Variants in IL6ST observed in about 807,000 individuals in gnomAD.
IL6ST encodes the protein interleukin 6 cytokine family signal transducer.
IL6ST carries 24 observed loss-of-function variants against 91.3 expected under a neutral mutation model. That is an observed-to-expected ratio of 0.26 (90% CI 0.19 to 0.37). IL6ST has a LOEUF of 0.37. Among genes scored for constraint, IL6ST ranks in the 10% least tolerant of loss-of-function variants. The probability of loss-of-function intolerance (pLI) is 1.00; values close to 1 mark genes in which losing one functional copy is unlikely to be tolerated. For synonymous variants in IL6ST, 351 were observed against 373.6 expected (o/e 0.94, Z 0.70); for missense variants, 914 against 1,078.5 (o/e 0.85, Z 2.14).
intron 1 of IL6ST, among the ~76,000 whole-genome samples, chr5:55,989,375 G>T (rs1274492297): frequency 1.3e-5 from 2 of 151,940 alleles, no homozygotes; most frequent in Non-Finnish European, 2.9e-5. Flanking sequence ...AGAAAAAAAA[G>T]AACCCCATTT....
chr5:55,988,562 T>C (rs947731747), intron 1 of IL6ST, among the ~76,000 whole-genome samples: 1 of 151,300 alleles, frequency 6.6e-6, no homozygotes, highest in Non-Finnish European at 1.5e-5. Flanking sequence ...AGGTTGGGAG[T>C]TCGAGACCAG....
chr5:55,961,689 T>A (rs1310877323), intron 7 of IL6ST, among the ~76,000 whole-genome samples: 1 of 145,276 alleles, frequency 6.9e-6, no homozygotes, highest in Non-Finnish European at 1.5e-5. Flanking sequence ...ACTAGGGAGG[T>A]GGAAGTTGCA....
chr5:55,974,463 C>T (rs1294849971), intron 3 of IL6ST, among the ~76,000 whole-genome samples: 2 of 151,728 alleles, frequency 1.3e-5, no homozygotes, highest in Admixed American at 1.3e-4. Flanking sequence ...GTAGCTGAGA[C>T]TTTCAGGCAT....
chr5:55,990,856 A>G (rs1024505653), intron 1 of IL6ST, among the ~76,000 whole-genome samples: 3 of 151,978 alleles, frequency 2.0e-5, no homozygotes, highest in African/African-American at 7.3e-5. Flanking sequence ...AGTCATTTAC[A>G]TTAGGTATAT....
chr5:55,946,420 A>T (rs1415007926), intron 15 of IL6ST, among the ~76,000 whole-genome samples: 1 of 152,250 alleles, frequency 6.6e-6, no homozygotes, highest in Non-Finnish European at 1.5e-5. Flanking sequence ...TCATAGCAAC[A>T]TTATTTATAA....
At chr5:55,960,614 A>C (rs1752253050) in intron 7 of IL6ST, 53 bp from the exon 8 acceptor site, 1 of 1,543,308 alleles carries the variant, frequency 6.5e-7, no homozygotes, top group East Asian at 2.3e-5. Flanking sequence ...AGGTCTTCTA[A>C]ATTGTGTTAA....
Position 55,968,273 on chromosome 5 carries a change from T to C in IL6ST, c.491+3A>G. The C allele has an allele frequency of 6.3e-7, 1 of 1,582,118 alleles. No homozygotes were observed. The highest frequency in any genetic ancestry group is 8.6e-7 in the Non-Finnish European group (1 of 1,168,650). ...AACATGAAACAAATTTAAAATAACG[T>C]ACCATTCAGATTTTAAAGTGAAGTT... On this transcript the variant is annotated splice_donor_region_variant and intron_variant, in intron 5 of 16. Transcript: ENST00000381298.
rs1750513971 is a variant in IL6ST at position 55,936,216 on chromosome 5, T to C, written c.*4866A>G. On this transcript the variant is annotated 3_prime_UTR_variant, in exon 17 of 17. Coordinates refer to ENST00000381298, the MANE Select transcript of IL6ST (RefSeq NM_002184.4). Reference sequence around the variant, plus strand: ...CAAGAAGTAGCAGGAGGATGCCATGTATCAATCTTGAACTTCAAGTCTCAC... The same window carrying C: ...CAAGAAGTAGCAGGAGGATGCCATGCATCAATCTTGAACTTCAAGTCTCAC... 3 of 228,250 alleles carry C rather than the reference T, an allele frequency of 1.3e-5. No individual in the cohort carries two copies. The East Asian group carries it at 1.9e-4, about 14-fold the overall frequency. 14.1% of individuals were successfully genotyped at this position (228,250 alleles called of 1,614,324 possible).
In IL6ST at chr5:55,969,611, G is replaced by A. The variant is rs374868974; in HGVS notation, c.309C>T (p.Cys103=). ...DIASLNIQLT[C]NILTFGQLEQ... is the part of the protein sequence containing the mutation. The stretch of plus-strand genomic sequence containing the variant: ...CAAGCTGTCCGAATGTAAGAATGTT[G>A]CAAGTGAGCTGAATATTTAATGAAG... Residue 103 remains cysteine, a synonymous_variant, in exon 4 of 17, where the codon TGC becomes TGT. Coordinates refer to ENST00000381298, the MANE Select transcript of IL6ST (RefSeq NM_002184.4). 4.5e-5 allele frequency: 72 copies of A among 1,612,820 alleles called. No individual in the cohort carries two copies. The highest frequency in any genetic ancestry group is 5.8e-5 in the Non-Finnish European group (68 of 1,179,096).
At chr5:55,958,839 CAAA>C (rs58625180) in intron 8 of IL6ST, among the ~76,000 whole-genome samples, 2 of 88,982 alleles carry the variant, frequency 2.2e-5, no homozygotes, top group African/African-American at 4.5e-5. Flanking sequence ...GCACTATTTC[CAAA>C]AAAAAAAAAA....
intron 4 of IL6ST, among the ~76,000 whole-genome samples, chr5:55,969,056 G>A (rs1483896416): frequency 1.3e-5 from 2 of 152,036 alleles, no homozygotes; most frequent in African/African-American, 2.4e-5. Flanking sequence ...TTAGCCGGGC[G>A]TGGTGGCTCA....
intron 1 of IL6ST, among the ~76,000 whole-genome samples, chr5:55,989,183 G>A (rs924911637): frequency 6.8e-6 from 1 of 147,602 alleles, no homozygotes; most frequent in Admixed American, 6.7e-5. Flanking sequence ...CAGTCTAAAG[G>A]TAAAGTAAAC....
chr5:55,944,415 TAAGA>T (rs1158524004), intron 15 of IL6ST, among the ~76,000 whole-genome samples: 1 of 152,202 alleles, frequency 6.6e-6, no homozygotes, highest in Non-Finnish European at 1.5e-5. Flanking sequence ...TTCTATATAC[TAAGA>T]ATTAGAAAAT....
chr5:55,963,090 A>T (rs1276963805), intron 7 of IL6ST, among the ~76,000 whole-genome samples: 1 of 151,736 alleles, frequency 6.6e-6, no homozygotes, highest in Non-Finnish European at 1.5e-5. Context: ...TGTCTCTAGA[A>T]GAAAAAAAAA....
At position 55,952,275 on chromosome 5, in the gene IL6ST, G is replaced by A. The variant is rs1751682566; in HGVS notation, c.1527C>T (p.Ser509=). The A allele has an allele frequency of 6.2e-7, 1 of 1,610,048 alleles. No homozygotes were observed. The highest frequency in any genetic ancestry group is 8.5e-7 in the Non-Finnish European group (1 of 1,177,000). ...GAGCTTGTTTAAGGTATGCCTTTAT[G>A]GATTCAGGGCTTCCTGGTCCATCAG... The part of the protein sequence containing the change: ...VYADGPGSPE[S]IKAYLKQAPP... Residue 509 remains serine (S), a synonymous_variant, in exon 12 of 17, where the codon TCC becomes TCT. Coordinates refer to ENST00000381298, the MANE Select transcript of IL6ST (RefSeq NM_002184.4).
chr5:55,979,624 T>C (rs994949888), intron 2 of IL6ST, among the ~76,000 whole-genome samples: 1 of 152,256 alleles, frequency 6.6e-6, no homozygotes, highest in South Asian at 2.1e-4. Flanking sequence ...TGGCATAAGC[T>C]TCCCAATACA....
chr5:55,978,581 C>A (rs1322152330), intron 2 of IL6ST: 1 of 152,324 alleles, frequency 6.6e-6, no homozygotes, highest in Non-Finnish European at 1.5e-5. Context: ...CAAAAATTAG[C>A]CAGGCGTGGT....
intron 1 of IL6ST, among the ~76,000 whole-genome samples, chr5:55,990,281 T>TAA (rs34154995): frequency 6.8e-6 from 1 of 147,236 alleles, no homozygotes; most frequent in Non-Finnish European, 1.5e-5. Context: ...CCGCAAAGTT[T>TAA]AAAAAAAAAA....
intron 1 of IL6ST, chr5:55,994,216 A>G (rs770089398): frequency 6.6e-6 from 1 of 152,086 alleles, no homozygotes; most frequent in African/African-American, 2.4e-5. Context: ...AATTTTAAAA[A>G]CTGATTTGTT....
Sources: gnomAD v4.1 joint callset for allele counts (sites outside exome capture counted in the v4.1 genomes callset) on GRCh38, gnomAD v4.1.1 for gene constraint, MANE v1.5 for transcripts, NCBI Gene and HGNC (gene_info 2026-07-23, HGNC 2026-07-21) for gene names.